Variants in SERINC5 observed in about 807,000 individuals in gnomAD.
The protein encoded by SERINC5 is chromosome 5 open reading frame 12.
A neutral mutation model predicts 63.1 loss-of-function variants in SERINC5; 41 were observed. The observed-to-expected ratio is 0.65, with a 90% CI of 0.51 to 0.84. The LOEUF is 0.84. Among genes scored for constraint, SERINC5 ranks in the 40% least tolerant of loss-of-function variants. SERINC5 has a pLI of 0.00. For synonymous variants in SERINC5, 222 were observed against 215.2 expected, an observed-to-expected ratio of 1.03 and a Z score of -0.28; for missense variants, 523 against 573.0, an observed-to-expected ratio of 0.91 and a Z score of 0.89.
At chr5:80,214,402 T>C (rs1750570578) in intron 1 of SERINC5, among the ~76,000 whole-genome samples, 1 of 152,136 alleles carries the variant, frequency 6.6e-6, no homozygotes, top group African/African-American at 2.4e-5. Flanking sequence ...AGGTTTCTAT[T>C]TTGGAAGAAA....
chr5:80,199,035 T>G (rs938129539), intron 2 of SERINC5, among the ~76,000 whole-genome samples: 4 of 152,164 alleles, frequency 2.6e-5, no homozygotes, highest in Non-Finnish European at 4.4e-5. Flanking sequence ...TCCCTCTGTT[T>G]CCATGATATA....
At chr5:80,161,756 T>C (rs1746941182) in intron 7 of SERINC5, among the ~76,000 whole-genome samples, 1 of 152,230 alleles carries the variant, frequency 6.6e-6, no homozygotes, top group Non-Finnish European at 1.5e-5. Flanking sequence ...GCTTTTGAGG[T>C]CTTAGTCATG....
intron 1 of SERINC5, 200 bp from the exon 2 acceptor site, chr5:80,203,253 TACAC>T: frequency 2.9e-6 from 1 of 342,476 alleles, no homozygotes; most frequent in South Asian, 2.7e-5. Context: ...TAAATATATA[TACAC>T]ATATATATAT....
Position 80,169,426 on chromosome 5 carries a change from GTCTT to G in SERINC5, c.668_671del (p.Lys223ThrfsTer12). 6.2e-7 allele frequency: 1 copy of G among 1,613,966 alleles called. No individual in the cohort carries two copies. The highest frequency in any genetic ancestry group is 8.5e-7 in the Non-Finnish European group (1 of 1,179,868). On this transcript the variant is annotated frameshift_variant, in exon 6 of 12. Coordinates refer to ENST00000507668, the MANE Select transcript of SERINC5 (RefSeq NM_001174072.3). LOFTEE classifies it high-confidence loss of function. ...GCAGAATTTTGTTTTCCATGCAGCT[GTCTT>G]TCTGTGTATAAAACACTGCCATCAA...
At chr5:80,124,903 C>T (rs971112564) in intron 11 of SERINC5, among the ~76,000 whole-genome samples, 7 of 152,132 alleles carry the variant, frequency 4.6e-5, no homozygotes, top group African/African-American at 1.7e-4. Flanking sequence ...ACATGGCAAT[C>T]AGAAGCCCAT....
intron 2 of SERINC5, among the ~76,000 whole-genome samples, chr5:80,199,531 T>C (rs964082156): frequency 1.3e-5 from 2 of 152,232 alleles, no homozygotes; most frequent in East Asian, 3.8e-4. Context: ...AAATGATCCG[T>C]TAACAGTCAG....
downstream of SERINC5, among the ~76,000 whole-genome samples, chr5:80,136,385 A>C (rs1425581965): frequency 6.6e-6 from 1 of 152,242 alleles, no homozygotes; most frequent in Non-Finnish European, 1.5e-5. Context: ...CAGAGGAAGA[A>C]GACAAGCTCG....
chr5:80,112,764 T>A (rs1360474269), intron 12 of SERINC5, among the ~76,000 whole-genome samples: 1 of 151,938 alleles, frequency 6.6e-6, no homozygotes, highest in East Asian at 1.9e-4. Context: ...CTGGGCAACA[T>A]AATGAGACCT....
chr5:80,249,670 C>G (rs1376861728), intron 1 of SERINC5, among the ~76,000 whole-genome samples: 1 of 151,334 alleles, frequency 6.6e-6, no homozygotes, highest in African/African-American at 2.4e-5. Context: ...GGCGTGGTGG[C>G]GGGCACCTGT....
At chr5:80,119,584 G>A (rs1320727155) in intron 11 of SERINC5, among the ~76,000 whole-genome samples, 1 of 152,204 alleles carries the variant, frequency 6.6e-6, no homozygotes, top group Non-Finnish European at 1.5e-5. Context: ...TCCTACAGAT[G>A]GAAGGTCAGC....
rs1380841498 is a variant in SERINC5 at position 80,142,087 on chromosome 5, G to C, written c.*1576C>G. On this transcript the variant is annotated 3_prime_UTR_variant, in exon 12 of 12. Coordinates refer to ENST00000507668, the MANE Select transcript of SERINC5 (RefSeq NM_001174072.3). The stretch of plus-strand genomic sequence containing the variant: ...GGGCACAGAAAAAAATGACTAGGCT[G>C]AGCCTTTTATTCTTAGATCCTCACT... 1 of 985,288 alleles carries C rather than the reference G, an allele frequency of 1.0e-6. No individual in the cohort carries two copies. The highest frequency in any genetic ancestry group is 6.1e-5 in the Admixed American group (1 of 16,264). 61.0% of individuals were successfully genotyped at this position (985,288 alleles called of 1,614,324 possible).
At chr5:80,239,709 G>C (rs1751866056) in intron 1 of SERINC5, among the ~76,000 whole-genome samples, 1 of 151,986 alleles carries the variant, frequency 6.6e-6, no homozygotes, top group Non-Finnish European at 1.5e-5. Context: ...TACAAAAATA[G>C]CTGTATCCCT....
intron 8 of SERINC5, chr5:80,156,993 CTTTTTTTTTTTT>C (rs376131718): frequency 1.6e-5 from 2 of 124,692 alleles, no homozygotes; most frequent in African/African-American, 3.0e-5. Flanking sequence ...TTTTTTTTTT[CTTTTTTTTTTTT>C]TTTTTTGAAA....
At chr5:80,174,026 A>G (rs534053263) in intron 5 of SERINC5, among the ~76,000 whole-genome samples, 1 of 152,210 alleles carries the variant, frequency 6.6e-6, no homozygotes, top group African/African-American at 2.4e-5. Context: ...AAGTGTGAAA[A>G]TGGAGGTCAG....
At chr5:80,113,594 C>T (rs886449471) in exon 12 of SERINC5, 8 of 279,184 alleles carry the variant, frequency 2.9e-5, no homozygotes, top group African/African-American at 4.5e-5. Context: ...CTGGGGAGGC[C>T]TCAGAATCAT....
Position 80,249,208 on chromosome 5 carries a change from G to A in SERINC5, c.27+6688C>T, listed in dbSNP as rs529718970. On this transcript the variant is annotated intron_variant, in intron 1 of 11. Transcript: ENST00000507668. ...TGGGTGCCTGTAGTCCCAGCTACTCGGGAGGCTGAGGCGGGAGAATGGTGT... is the reference window on the plus strand; with the variant it reads ...TGGGTGCCTGTAGTCCCAGCTACTCAGGAGGCTGAGGCGGGAGAATGGTGT... Among the ~76,000 whole-genome samples, 1,050 of 152,036 alleles carry A rather than the reference G, an allele frequency of 6.9e-3. 12 individuals carry two copies. Among genetic ancestry groups the A allele is most frequent in the Middle Eastern group, 0.01 (3 of 294 alleles).
At chr5:80,127,384 C>T (rs901032220) in intron 11 of SERINC5, among the ~76,000 whole-genome samples, 1 of 152,160 alleles carries the variant, frequency 6.6e-6, no homozygotes, top group African/African-American at 2.4e-5. Context: ...CAGCAATATC[C>T]CAAATACAGA....
chr5:80,170,148 G>A (rs917552665), intron 5 of SERINC5, among the ~76,000 whole-genome samples: 2 of 152,326 alleles, frequency 1.3e-5, no homozygotes, highest in South Asian at 2.1e-4. Flanking sequence ...TGTAGTCTCA[G>A]GGTAAGCAGA....
At chr5:80,255,760 G>A in intron 1 of SERINC5, 136 bp downstream of exon 1, 2 of 845,528 alleles carry the variant, frequency 2.4e-6, no homozygotes, top group Admixed American at 2.5e-5. Flanking sequence ...GCGCCGCGGG[G>A]CCAGCCCGAG....
Sources: allele counts gnomAD v4.1 joint callset (sites outside exome capture counted in the v4.1 genomes callset), GRCh38; gene constraint gnomAD v4.1.1; transcripts MANE v1.5; gene names NCBI Gene and HGNC (gene_info 2026-07-23, HGNC 2026-07-21).